NUP160: variants seen among roughly 807,000 people sequenced by gnomAD.
NUP160 encodes nuclear pore complex protein Nup160.
A neutral mutation model predicts 196.9 loss-of-function variants in NUP160; 94 were observed. That is an observed-to-expected ratio of 0.48 (90% confidence interval 0.40 to 0.57). NUP160 has a LOEUF of 0.57. Ranked by LOEUF, NUP160 falls within the 20% of genes least tolerant of loss-of-function variation. The probability of loss-of-function intolerance (pLI) is 0.00; values close to 1 mark genes in which losing one functional copy is unlikely to be tolerated. For synonymous variants in NUP160, 605 were observed against 619.7 expected, an observed-to-expected ratio of 0.98 and a Z score of 0.35; for missense variants, 1,638 against 1,748.3, an observed-to-expected ratio of 0.94 and a Z score of 1.13.
intron 33 of NUP160, 119 bp downstream of exon 33, chr11:47,784,803 A>G (rs1327887794): frequency 2.8e-6 from 2 of 710,784 alleles, no homozygotes; most frequent in African/African-American, 1.8e-5. Flanking sequence ...TGGCCTACCA[A>G]TGTGCGGGCA....
intron 7 of NUP160, among the ~76,000 whole-genome samples, chr11:47,832,082 A>G (rs1030053354): frequency 1.3e-5 from 2 of 151,564 alleles, no homozygotes; most frequent in Non-Finnish European, 2.9e-5. Context: ...TTGTATTTTT[A>G]GTAGAGAAGG....
chr11:47,783,600 C>A (rs2097662761), intron 33 of NUP160, among the ~76,000 whole-genome samples: 2 of 152,144 alleles, frequency 1.3e-5, no homozygotes, highest in Non-Finnish European at 2.9e-5. Context: ...AAAAGAAGTT[C>A]AAAGAATCAC....
At chr11:47,812,619 AAC>A (rs1413762923) in intron 15 of NUP160, among the ~76,000 whole-genome samples, 190 bp from the exon 16 acceptor site, 2 of 152,190 alleles carry the variant, frequency 1.3e-5, no homozygotes, top group African/African-American at 2.4e-5. Flanking sequence ...CAACACACAA[AAC>A]AAACATGAGA....
exon 16 of NUP160, chr11:47,812,398 G>C (rs1437896953): frequency 1.2e-6 from 2 of 1,613,534 alleles, no homozygotes; most frequent in Admixed American, 3.3e-5. Flanking sequence ...ATCTCTTGCA[G>C]TTTACTACAA....
At chr11:47,785,237 C>G (rs2097663920) in intron 32 of NUP160, among the ~76,000 whole-genome samples, 174 bp from the exon 33 acceptor site, 1 of 151,890 alleles carries the variant, frequency 6.6e-6, no homozygotes, top group African/African-American at 2.4e-5. Context: ...GCCCCAGATT[C>G]TCCCATTTCA....
At chr11:47,822,587 T>A (rs1442077907) in intron 7 of NUP160, among the ~76,000 whole-genome samples, 6 of 151,878 alleles carry the variant, frequency 4.0e-5, no homozygotes, top group South Asian at 2.1e-4. Flanking sequence ...TTTTTTTTTT[T>A]AATACTTTAA....
rs1484474671 is a variant in NUP160, at chr11:47,780,332, G to C, written c.4221+11C>G. The C allele has an allele frequency of 1.9e-6, 3 of 1,584,750 alleles. No homozygotes were observed. The highest frequency in any genetic ancestry group is 1.7e-5 in the Admixed American group (1 of 59,898). On this transcript the variant is annotated intron_variant, in intron 35 of 35. Coordinates refer to ENST00000378460, the Ensembl canonical transcript of NUP160. The stretch of plus-strand genomic sequence containing the variant: ...GCTTACACAAGACGTCTCATGAAAG[G>C]GCTGACTTACTGCGATGTTGTGACT...
At chr11:47,782,879 G>A (rs754401597) in intron 34 of NUP160, among the ~76,000 whole-genome samples, 194 bp downstream of exon 34, 15 of 152,076 alleles carry the variant, frequency 9.9e-5, no homozygotes, top group Non-Finnish European at 2.2e-4. Context: ...AACTGGTTTC[G>A]AACTCCTGAC....
At chr11:47,780,872 A>G (rs1231824292) in intron 34 of NUP160, among the ~76,000 whole-genome samples, 2 of 152,140 alleles carry the variant, frequency 1.3e-5, no homozygotes, top group Non-Finnish European at 1.5e-5. Flanking sequence ...GTGTGTATAC[A>G]TGTGCATGCA....
At chr11:47,822,261 AT>A (rs898451751) in intron 7 of NUP160, 97 bp from the exon 8 acceptor site, 40,489 of 579,074 alleles carry the variant, frequency 0.07, no homozygotes, top group South Asian at 0.11. Flanking sequence ...TTAAAAAAAA[AT>A]TTTTTTTTTT....
At chr11:47,785,190 G>C (rs1015057053) in intron 32 of NUP160, 127 bp from the exon 33 acceptor site, 2 of 420,464 alleles carry the variant, frequency 4.8e-6, no homozygotes, top group South Asian at 4.0e-5. Flanking sequence ...ACCCAGGCTA[G>C]AGTGGAGTGG....
At chr11:47,810,998 C>A (rs2097680793) in intron 17 of NUP160, among the ~76,000 whole-genome samples, 1 of 152,050 alleles carries the variant, frequency 6.6e-6, no homozygotes, top group Admixed American at 6.6e-5. Context: ...AATGAGATTA[C>A]TGACTTAGAA....
intron 11 of NUP160, among the ~76,000 whole-genome samples, chr11:47,817,014 T>C (rs895562698): frequency 2.0e-5 from 3 of 151,522 alleles, no homozygotes; most frequent in African/African-American, 7.3e-5. Context: ...GTCACTCTGT[T>C]TCCCAGGCTG....
At chr11:47,813,392 G>T in exon 14 of NUP160, 1 of 1,611,674 alleles carries the variant, frequency 6.2e-7, no homozygotes, top group South Asian at 1.1e-5. Context: ...CTAAGGATGA[G>T]GGAATAAGGA....
At chr11:47,839,741 G>A in intron 4 of NUP160, 102 bp downstream of exon 4, 1 of 950,864 alleles carries the variant, frequency 1.1e-6, no homozygotes, top group Non-Finnish European at 1.7e-6. Context: ...CCAGTTCCGG[G>A]GCAGTAGAGA....
intron 23 of NUP160, 38 bp from the exon 24 acceptor site, chr11:47,798,501 A>G: frequency 8.7e-7 from 1 of 1,144,872 alleles, no homozygotes; most frequent in Non-Finnish European, 1.3e-6. Context: ...TAAAATTAAT[A>G]TTGTAATGTA....
At position 47,836,987 on chromosome 11, in the gene NUP160, G is replaced by A. The variant is rs148589426; in HGVS notation, c.842C>T (p.Pro281Leu). The A allele has an allele frequency of 1.2e-4, 193 of 1,611,886 alleles. 1 individual carries two copies. In the African/African-American group the frequency reaches 2.3e-3, roughly 19 times the overall value. ...AGCAAGACTGAGGGGACGATCTGAA[G>A]GCGACTGGTCACCCCTAAAACATAA... Residue 281 changes from proline to leucine, a missense_variant, in exon 6 of 36, where the codon CCT becomes CTT. By Grantham distance (98) the Pro-to-Leu change is moderately conservative. Coordinates refer to ENST00000378460, the Ensembl canonical transcript of NUP160.
intron 2 of NUP160, among the ~76,000 whole-genome samples, chr11:47,842,248 T>C (rs1218113447): frequency 6.6e-6 from 1 of 152,030 alleles, no homozygotes; most frequent in Non-Finnish European, 1.5e-5. Flanking sequence ...TGGACCATCT[T>C]CTCTCACTGT....
chr11:47,819,450 G>A, exon 10 of NUP160: 2 of 1,611,518 alleles, frequency 1.2e-6, no homozygotes, highest in Non-Finnish European at 1.7e-6. Context: ...CCACTGACCT[G>A]CAACATTACT....
Sources: gnomAD v4.1 joint callset for allele counts (sites outside exome capture counted in the v4.1 genomes callset) on GRCh38, gnomAD v4.1.1 for gene constraint, MANE v1.5 for transcripts, NCBI Gene and HGNC (gene_info 2026-07-23, HGNC 2026-07-21) for gene names.